HECW2: variants seen among roughly 807,000 people sequenced by gnomAD.
HECW2 encodes HECT, C2 and WW domain containing E3 ubiquitin protein ligase 2, also known as E3 ubiquitin-protein ligase HECW2.
In HECW2, 61 loss-of-function variants were observed where a neutral mutation model predicts 175.2. That is an observed-to-expected ratio of 0.35 (90% CI 0.28 to 0.43). The LOEUF is 0.43. HECW2 is among the 20% of genes least tolerant of loss of function. The pLI, the probability that HECW2 is intolerant of heterozygous loss-of-function variation, is 1.00. For missense variants in HECW2, 1,524 were observed against 2,000.5 expected, an observed-to-expected ratio of 0.76 and a Z score of 4.54; for synonymous variants, 671 against 731.0, an observed-to-expected ratio of 0.92 and a Z score of 1.32.
intron 2 of HECW2, chr2:196,361,824 C>T (rs1559067607): frequency 2.0e-6 from 2 of 985,282 alleles, no homozygotes; most frequent in Non-Finnish European, 2.4e-6. Context: ...CATATAATCC[C>T]AAAGGTTTTA....
Position 196,197,629 on chromosome 2 carries a change from A to C in HECW2, c.*3648T>G, listed in dbSNP as rs1040506514. 2.0e-5 allele frequency: 3 copies of C among 152,114 alleles called. No individual in the cohort carries two copies. Among genetic ancestry groups the C allele is most frequent in the Non-Finnish European group, 2.9e-5 (2 of 68,024 alleles). 9.4% of individuals were successfully genotyped at this position (152,114 alleles called of 1,614,324 possible). A position where few individuals can be genotyped will look rare whatever the true frequency, so the allele number is the denominator to read the frequency against. ...AAATGTATCTGTTTAAGAAAGTGAG[A>C]GTTTGGAGGAAGCATCTTGGAAACC... On this transcript the variant is annotated 3_prime_UTR_variant, in exon 29 of 29. Coordinates refer to ENST00000644978, the MANE Select transcript of HECW2 (RefSeq NM_001348768.2).
intron 1 of HECW2, among the ~76,000 whole-genome samples, chr2:196,497,336 A>C (rs764735154): frequency 5.9e-5 from 9 of 152,160 alleles, no homozygotes; most frequent in Non-Finnish European, 8.8e-5. Context: ...TTTGACTAAA[A>C]CTCTATAGCT....
intron 1 of HECW2, among the ~76,000 whole-genome samples, chr2:196,461,766 A>C (rs973092509): frequency 2.6e-5 from 4 of 152,198 alleles, no homozygotes; most frequent in Admixed American, 1.3e-4. Flanking sequence ...TCTCGTGAGA[A>C]CCCACTCAAC....
chr2:196,537,981 T>C (rs1689075801), intron 1 of HECW2, among the ~76,000 whole-genome samples: 2 of 152,198 alleles, frequency 1.3e-5, no homozygotes, highest in Non-Finnish European at 2.9e-5. Context: ...TTGCTTTTAC[T>C]CTGCACTGTG....
At chr2:196,544,673 G>T (rs891603941) in intron 1 of HECW2, among the ~76,000 whole-genome samples, 2 of 152,298 alleles carry the variant, frequency 1.3e-5, no homozygotes, top group Non-Finnish European at 2.9e-5. Flanking sequence ...ACAGGTCCCT[G>T]GAGAGTATTT....
intron 2 of HECW2, among the ~76,000 whole-genome samples, chr2:196,417,485 G>A (rs1559098497): frequency 6.6e-6 from 1 of 152,182 alleles, no homozygotes; most frequent in Non-Finnish European, 1.5e-5. Context: ...TTGCTATGCT[G>A]CCCAAGCTGG....
chr2:196,514,765 G>A (rs1688088737), intron 1 of HECW2, among the ~76,000 whole-genome samples: 1 of 152,144 alleles, frequency 6.6e-6, no homozygotes, highest in Admixed American at 6.5e-5. Flanking sequence ...GCAGAAAGGA[G>A]CTACCCACTC....
At chr2:196,217,280 C>T (rs1469888105) in intron 26 of HECW2, 187 bp from the exon 27 acceptor site, 2 of 437,906 alleles carry the variant, frequency 4.6e-6, no homozygotes, top group East Asian at 7.2e-5. Flanking sequence ...TAAACAAAAA[C>T]AACATTAAGT....
At chr2:196,453,721 G>C (rs1162041522) in intron 1 of HECW2, among the ~76,000 whole-genome samples, 3 of 152,078 alleles carry the variant, frequency 2.0e-5, no homozygotes, top group Non-Finnish European at 4.4e-5. Context: ...AGGAAGCTCA[G>C]GCAAACGAGG....
At chr2:196,252,270 C>A (rs552360106) in intron 19 of HECW2, among the ~76,000 whole-genome samples, 66 of 151,826 alleles carry the variant, frequency 4.3e-4, no homozygotes, top group African/African-American at 1.5e-3. Flanking sequence ...GCTTTGAGAA[C>A]TTCCCTTCCC....
At chr2:196,344,231 A>G (rs1692866783) in intron 2 of HECW2, among the ~76,000 whole-genome samples, 1 of 150,922 alleles carries the variant, frequency 6.6e-6, no homozygotes, top group Admixed American at 6.6e-5. Flanking sequence ...TTTGCCAGGA[A>G]CAGTGTTTAG....
rs35570943 is a variant in HECW2, at chr2:196,264,543, C to G, written c.3336-6637G>C. Reference sequence around the variant, plus strand: ...TGCATGTATAATTTGGGGAATCTTTCAAAGTTACATCAGAGAACAATGTTT... The same window carrying G: ...TGCATGTATAATTTGGGGAATCTTTGAAAGTTACATCAGAGAACAATGTTT... On this transcript the variant is annotated intron_variant, in intron 17 of 28. Transcript: ENST00000644978. Among the ~76,000 whole-genome samples, 676 of 152,224 alleles carry G rather than the reference C, an allele frequency of 4.4e-3. 5 individuals carry two copies. The highest frequency in any genetic ancestry group is 6.6e-3 in the Non-Finnish European group (452 of 68,012).
intron 3 of HECW2, among the ~76,000 whole-genome samples, chr2:196,340,442 C>T (rs1014207755): frequency 1.7e-4 from 26 of 151,632 alleles, no homozygotes; most frequent in Non-Finnish European, 3.1e-4. Context: ...ATTAAAAATA[C>T]AAAAATTAGC....
chr2:196,194,492 A>C lies in HECW2; in HGVS notation c.*6785T>G, dbSNP rs1363047254. Reference sequence around the variant, plus strand: ...GTACACATTAAAATATCTTTCCCTCAAAGCATTTCGGAATCATAAAAAATA... The same window carrying C: ...GTACACATTAAAATATCTTTCCCTCCAAGCATTTCGGAATCATAAAAAATA... On this transcript the variant is annotated 3_prime_UTR_variant, in exon 29 of 29. Transcript: ENST00000644978. 3.3e-5 allele frequency: 5 copies of C among 152,170 alleles called. No individual in the cohort carries two copies. The allele number at this position is 152,170 out of a possible 1,614,324, so 9.4% of individuals were successfully genotyped here.
rs766459065 is a variant in HECW2 at position 196,273,981 on chromosome 2, G to A, written c.3238+40C>T. 4.3e-6 allele frequency: 6 copies of A among 1,408,538 alleles called. No individual in the cohort carries two copies. In the African/African-American group the frequency reaches 7.1e-5, roughly 17 times the overall value. 87.3% of individuals were successfully genotyped at this position (1,408,538 alleles called of 1,614,324 possible). On this transcript the variant is annotated intron_variant, in intron 16 of 28. Transcript: ENST00000644978. ...CACAGTGTACATGGTACAGATAATG[G>A]CACAAAAGGACAGATGATTTCTGGA...
chr2:196,512,691 TAC>T (rs1181237193), intron 1 of HECW2, among the ~76,000 whole-genome samples: 1 of 151,730 alleles, frequency 6.6e-6, no homozygotes, highest in Non-Finnish European at 1.5e-5. Flanking sequence ...GGCCAGATTA[TAC>T]TTTTTTTTTT....
chr2:196,423,940 A>G (rs1215882630), intron 2 of HECW2, among the ~76,000 whole-genome samples: 1 of 151,940 alleles, frequency 6.6e-6, no homozygotes, highest in Non-Finnish European at 1.5e-5. Context: ...TCTTTTTATG[A>G]TGCTTTGCTT....
chr2:196,447,849 A>G (rs992472997), intron 1 of HECW2, among the ~76,000 whole-genome samples: 5 of 152,184 alleles, frequency 3.3e-5, no homozygotes, highest in Non-Finnish European at 7.3e-5. Flanking sequence ...CGAGGTCAGG[A>G]GTTCGAGCCA....
chr2:196,378,972 T>C (rs752120873), intron 2 of HECW2, among the ~76,000 whole-genome samples: 3 of 152,080 alleles, frequency 2.0e-5, no homozygotes, highest in Admixed American at 6.5e-5. Flanking sequence ...AGAAGCATCC[T>C]TGGGGAAAAA....
Sources: gnomAD v4.1 joint callset for allele counts (sites outside exome capture counted in the v4.1 genomes callset) on GRCh38, gnomAD v4.1.1 for gene constraint, MANE v1.5 for transcripts, NCBI Gene and HGNC (gene_info 2026-07-23, HGNC 2026-07-21) for gene names.